ZNF609: variants seen among roughly 807,000 people sequenced by gnomAD.
The protein encoded by ZNF609 is zinc finger protein 609.
A neutral mutation model predicts 109.5 loss-of-function variants in ZNF609; 11 were observed. The observed-to-expected ratio is 0.10, with a 90% confidence interval of 0.06 to 0.17. ZNF609 has a LOEUF of 0.17. ZNF609 is among the 10% of genes least tolerant of loss of function. The pLI is 1.00. For synonymous variants in ZNF609, 646 were observed against 662.0 expected (o/e 0.98, Z 0.37); for missense variants, 1,559 against 1,772.4 (o/e 0.88, Z 2.16).
At chr15:64,636,294 G>A (rs1433914818) in intron 3 of ZNF609, among the ~76,000 whole-genome samples, 1 of 151,990 alleles carries the variant, frequency 6.6e-6, no homozygotes, top group Non-Finnish European at 1.5e-5. Flanking sequence ...ATTTCCTTTA[G>A]TTGCTGCCTT....
At chr15:64,540,682 G>T (rs753291934) in intron 2 of ZNF609, among the ~76,000 whole-genome samples, 14 of 151,784 alleles carry the variant, frequency 9.2e-5, no homozygotes, top group Non-Finnish European at 1.9e-4. Context: ...GGGATTACAG[G>T]TGTGAGATAC....
chr15:64,513,292 A>G (rs1165580667), intron 2 of ZNF609, among the ~76,000 whole-genome samples: 3 of 152,212 alleles, frequency 2.0e-5, no homozygotes, highest in African/African-American at 7.2e-5. Flanking sequence ...CACTATGCAG[A>G]TTCCTAAACA....
chr15:64,591,829 A>C (rs1895304089), intron 2 of ZNF609, among the ~76,000 whole-genome samples: 1 of 151,640 alleles, frequency 6.6e-6, no homozygotes, highest in Non-Finnish European at 1.5e-5. Context: ...CTCTTGCCTC[A>C]GCCTCCCAAG....
At chr15:64,567,133 A>T (rs1368501060) in intron 2 of ZNF609, among the ~76,000 whole-genome samples, 2 of 152,222 alleles carry the variant, frequency 1.3e-5, no homozygotes, top group Non-Finnish European at 2.9e-5. Flanking sequence ...CTTTAAAAGC[A>T]GGCTTTTATT....
At chr15:64,585,312 G>A (rs919671270) in intron 2 of ZNF609, among the ~76,000 whole-genome samples, 5 of 151,990 alleles carry the variant, frequency 3.3e-5, no homozygotes, top group Admixed American at 2.6e-4. Flanking sequence ...GTGACAGAGC[G>A]AGACTCTGGG....
At chr15:64,503,463 C>T (rs1247581385) in intron 2 of ZNF609, among the ~76,000 whole-genome samples, 3 of 152,120 alleles carry the variant, frequency 2.0e-5, no homozygotes, top group Non-Finnish European at 4.4e-5. Context: ...GGAGGGCAGG[C>T]GCCTGTCTGA....
intron 3 of ZNF609, among the ~76,000 whole-genome samples, chr15:64,627,930 G>A (rs1895997810): frequency 6.7e-6 from 1 of 150,212 alleles, no homozygotes; most frequent in South Asian, 2.1e-4. Flanking sequence ...AAAGTGCTGG[G>A]ATTACAGGCA....
chr15:64,645,665 A>T lies in ZNF609; in HGVS notation c.973+22613A>T, dbSNP rs139874984. 7.5e-3 allele frequency among the ~76,000 whole-genome samples: 1,147 copies of T among 152,212 alleles called. 16 individuals are homozygous for T. Among genetic ancestry groups the T allele is most frequent in the African/African-American group, 0.027 (1,104 of 41,522 alleles). ...AAGTGATTAATATCTAGAATAAAGA[A>T]CTCCTACAGATCAACAATGAAAAAC... is the stretch of plus-strand genomic sequence containing the variant. On this transcript the variant is annotated intron_variant, in intron 3 of 9. Coordinates refer to ENST00000326648, the MANE Select transcript of ZNF609 (RefSeq NM_015042.2).
At chr15:64,490,203 T>C (rs1893392498) in intron 1 of ZNF609, among the ~76,000 whole-genome samples, 1 of 150,336 alleles carries the variant, frequency 6.7e-6, no homozygotes, top group South Asian at 2.1e-4. Context: ...GCTCGAGTAA[T>C]CCTCCCGCCT....
intron 2 of ZNF609, among the ~76,000 whole-genome samples, chr15:64,555,025 G>A (rs1242366515): frequency 5.3e-5 from 8 of 151,844 alleles, no homozygotes; most frequent in Admixed American, 1.3e-4. Flanking sequence ...GAACCTGGGA[G>A]GCGGAGGTTA....
intron 2 of ZNF609, among the ~76,000 whole-genome samples, chr15:64,614,119 C>G (rs1445757182): frequency 6.6e-6 from 1 of 151,746 alleles, no homozygotes; most frequent in Non-Finnish European, 1.5e-5. Context: ...CGGGGTTTCA[C>G]CATGTTGGCC....
At position 64,678,487 on chromosome 15, in the gene ZNF609, A is replaced by G. The variant is rs1896838353; in HGVS notation, c.3769+5A>G. On this transcript the variant is annotated splice_donor_5th_base_variant and intron_variant, in intron 6 of 9. Coordinates refer to ENST00000326648, the MANE Select transcript of ZNF609 (RefSeq NM_015042.2). ...TGATGATGCAGAACTACCCAGGTAC[A>G]GCACCAAGTGCCAGCACTATTCCAT... 2.6e-6 allele frequency: 4 copies of G among 1,564,162 alleles called. No homozygotes were observed. In the Middle Eastern group the frequency reaches 5.2e-4, roughly 202 times the overall value.
chr15:64,581,130 G>C (rs1415924036), intron 2 of ZNF609, among the ~76,000 whole-genome samples: 1 of 151,854 alleles, frequency 6.6e-6, no homozygotes, highest in South Asian at 2.1e-4. Flanking sequence ...GCCTCAAGCT[G>C]TCTTCCTGCT....
chr15:64,497,242 T>G (rs1893494458), intron 1 of ZNF609, among the ~76,000 whole-genome samples: 1 of 152,216 alleles, frequency 6.6e-6, no homozygotes, highest in East Asian at 1.9e-4. Context: ...TATGTAGACT[T>G]GGCATTTACT....
At chr15:64,498,710 C>T (rs1390358414) in intron 1 of ZNF609, among the ~76,000 whole-genome samples, 1 of 152,070 alleles carries the variant, frequency 6.6e-6, no homozygotes, top group Non-Finnish European at 1.5e-5. Context: ...CAAGTCTTAG[C>T]CCCCTGTCCT....
chr15:64,561,552 C>CT (rs771022478), intron 2 of ZNF609, among the ~76,000 whole-genome samples: 7,159 of 129,888 alleles, frequency 0.055, 242 homozygotes, highest in South Asian at 0.088. Flanking sequence ...TTTTCTTTTT[C>CT]TTTTTTTTTT....
At chr15:64,473,154 G>C (rs1251884515) in intron 1 of ZNF609, among the ~76,000 whole-genome samples, 31 of 141,838 alleles carry the variant, frequency 2.2e-4, no homozygotes. Context: ...TGTTCTTCCA[G>C]TTGCTTTGGC....
intron 2 of ZNF609, among the ~76,000 whole-genome samples, chr15:64,613,633 C>T (rs573459521): frequency 1.3e-4 from 20 of 152,150 alleles, no homozygotes; most frequent in Non-Finnish European, 2.4e-4. Context: ...TCACTGCAGC[C>T]GCCGCCTGCC....
chr15:64,565,232 G>GTATTATTATTATTATTATTATTATTAT (rs60734525), intron 2 of ZNF609, among the ~76,000 whole-genome samples: 5,154 of 138,662 alleles, frequency 0.037, 370 homozygotes, highest in African/African-American at 0.13. Flanking sequence ...GCTAATTTTT[G>GTATTATTATTATTATTATTATTATTAT]TATTATTATT....
Sources: allele counts gnomAD v4.1 joint callset (sites outside exome capture counted in the v4.1 genomes callset), GRCh38; gene constraint gnomAD v4.1.1; transcripts MANE v1.5; gene names NCBI Gene and HGNC (gene_info 2026-07-23, HGNC 2026-07-21).